The following RBFOX1 variants were observed in gnomAD, a reference collection of about 807,000 sequenced individuals.
The protein encoded by RBFOX1 is RNA binding fox-1 homolog 1, also known as RNA binding protein fox-1 homolog 1.
RBFOX1 carries 8 observed loss-of-function variants against 57.7 expected under a neutral mutation model. The observed-to-expected ratio is 0.14, with a 90% CI of 0.08 to 0.25. The LOEUF is 0.25. RBFOX1 is among the 10% of genes least tolerant of loss of function. The pLI, the probability that RBFOX1 is intolerant of heterozygous loss-of-function variation, is 1.00. For missense variants in RBFOX1, 611 were observed against 548.5 expected (o/e 1.11, Z -1.14); for synonymous variants, 326 against 222.4 (o/e 1.47, Z -4.15).
At chr16:6,802,058 G>C (rs1300622948) in intron 3 of RBFOX1, among the ~76,000 whole-genome samples, 1 of 151,952 alleles carries the variant, frequency 6.6e-6, no homozygotes, top group Non-Finnish European at 1.5e-5. Context: ...GGCCTGGGGA[G>C]TTTCTTCAGA....
intron 1 of RBFOX1, among the ~76,000 whole-genome samples, chr16:6,138,695 G>A (rs758288800): frequency 1.3e-4 from 20 of 152,000 alleles, no homozygotes; most frequent in Non-Finnish European, 1.8e-4. Flanking sequence ...GTGAAACCCC[G>A]TCTCTACTGA....
At chr16:5,240,008 G>T (rs780807402) in exon 1 of RBFOX1, 37 of 1,531,246 alleles carry the variant, frequency 2.4e-5, no homozygotes, top group South Asian at 4.8e-5. Flanking sequence ...GGGCTGGAGG[G>T]GGGAAGCGCA....
intron 1 of RBFOX1, among the ~76,000 whole-genome samples, chr16:6,028,529 A>AAAG (rs1310064414): frequency 7.0e-6 from 1 of 142,530 alleles, no homozygotes; most frequent in Non-Finnish European, 1.5e-5. Flanking sequence ...AAAAAAAAAA[A>AAAG]AAAAATTAGC....
intron 3 of RBFOX1, among the ~76,000 whole-genome samples, chr16:5,625,762 T>A (rs538967654): frequency 6.6e-6 from 1 of 152,212 alleles, no homozygotes; most frequent in Non-Finnish European, 1.5e-5. Context: ...TTCATCATTT[T>A]GGCCAGGCTG....
chr16:5,377,178 G>A (rs1483927967), intron 1 of RBFOX1, among the ~76,000 whole-genome samples: 1 of 151,554 alleles, frequency 6.6e-6, no homozygotes, highest in Non-Finnish European at 1.5e-5. Context: ...GATAAGCCTG[G>A]GGATGCAAGT....
At chr16:5,710,749 T>C (rs2051455015) in intron 3 of RBFOX1, among the ~76,000 whole-genome samples, 1 of 152,164 alleles carries the variant, frequency 6.6e-6, no homozygotes, top group African/African-American at 2.4e-5. Flanking sequence ...ATGGAGCCTA[T>C]TACCGGCTCT....
intron 3 of RBFOX1, among the ~76,000 whole-genome samples, chr16:6,747,565 G>C (rs1351721504): frequency 6.6e-6 from 1 of 152,076 alleles, no homozygotes; most frequent in Non-Finnish European, 1.5e-5. Flanking sequence ...CATAATCTCT[G>C]TTAAAAGTGA....
At chr16:7,234,836 C>G (rs1003054833) in intron 4 of RBFOX1, among the ~76,000 whole-genome samples, 1 of 151,980 alleles carries the variant, frequency 6.6e-6, no homozygotes, top group Admixed American at 6.6e-5. Context: ...ATTTTTGGTA[C>G]GTGGATGTTT....
intron 3 of RBFOX1, chr16:6,983,520 G>C (rs893826211): frequency 1.3e-5 from 2 of 151,680 alleles, no homozygotes; most frequent in Non-Finnish European, 2.9e-5. Context: ...AGCAATGTAA[G>C]CAATTTTGCA....
intron 3 of RBFOX1, among the ~76,000 whole-genome samples, chr16:5,648,366 A>G (rs978122816): frequency 1.3e-5 from 2 of 152,238 alleles, no homozygotes; most frequent in African/African-American, 4.8e-5. Context: ...GTGTGATCAG[A>G]AGGTGCTGAA....
chr16:6,225,965 G>C (rs1413887977), intron 1 of RBFOX1, among the ~76,000 whole-genome samples: 2 of 152,032 alleles, frequency 1.3e-5, no homozygotes, highest in Admixed American at 6.6e-5. Flanking sequence ...TCTTTTTCTA[G>C]GATTCTTAAA....
intron 1 of RBFOX1, among the ~76,000 whole-genome samples, chr16:6,148,199 T>A (rs1487645720): frequency 1.3e-5 from 2 of 152,172 alleles, no homozygotes; most frequent in Non-Finnish European, 2.9e-5. Flanking sequence ...TGGTGGCATG[T>A]ACCTGTAATC....
At chr16:5,841,649 G>T (rs542274839) in intron 3 of RBFOX1, among the ~76,000 whole-genome samples, 1 of 152,102 alleles carries the variant, frequency 6.6e-6, no homozygotes, top group Non-Finnish European at 1.5e-5. Context: ...TCTAGTCATT[G>T]TTGATCTGAA....
chr16:6,564,393 G>C (rs1256357667), intron 2 of RBFOX1, among the ~76,000 whole-genome samples: 1 of 152,182 alleles, frequency 6.6e-6, no homozygotes, highest in African/African-American at 2.4e-5. Flanking sequence ...CCAGGAGACA[G>C]AGCTTGCAGT....
At chr16:6,313,226 G>C (rs1051459706) in intron 1 of RBFOX1, among the ~76,000 whole-genome samples, 1 of 152,184 alleles carries the variant, frequency 6.6e-6, no homozygotes, top group Admixed American at 6.5e-5. Context: ...GGCTGGAGCT[G>C]TGTCTAGGAG....
intron 4 of RBFOX1, among the ~76,000 whole-genome samples, chr16:7,063,040 G>C (rs368613408): frequency 6.6e-6 from 1 of 151,018 alleles, no homozygotes; most frequent in South Asian, 2.1e-4. Context: ...TTGGTTAAAG[G>C]TTTGCTAAAA....
At chr16:6,871,951 G>GTGTC (rs2060976986) in intron 3 of RBFOX1, among the ~76,000 whole-genome samples, 1 of 148,996 alleles carries the variant, frequency 6.7e-6, no homozygotes, top group African/African-American at 2.5e-5. Context: ...GTGTGTGTGT[G>GTGTC]TGTGTGTGTG....
intron 4 of RBFOX1, among the ~76,000 whole-genome samples, chr16:7,410,774 C>G (rs2098416741): frequency 1.3e-5 from 2 of 151,964 alleles, no homozygotes; most frequent in African/African-American, 2.4e-5. Context: ...ACTGATGCTC[C>G]TAATTCCCAC....
intron 3 of RBFOX1, among the ~76,000 whole-genome samples, chr16:5,609,643 C>T (rs1457486275): frequency 6.6e-6 from 1 of 152,238 alleles, no homozygotes; most frequent in Non-Finnish European, 1.5e-5. Flanking sequence ...TCCAAACCCT[C>T]ATGTACAAGG....
Sources: allele counts gnomAD v4.1 joint callset (sites outside exome capture counted in the v4.1 genomes callset), GRCh38; gene constraint gnomAD v4.1.1; transcripts MANE v1.5; gene names NCBI Gene and HGNC (gene_info 2026-07-23, HGNC 2026-07-21).